ASTN2: variants seen among roughly 807,000 people sequenced by gnomAD.
ASTN2 encodes astrotactin-2.
Under a neutral mutation model 139.8 loss-of-function variants are expected in ASTN2, and 54 were observed. The ratio of observed to expected loss-of-function variants is 0.39; its 90% CI spans 0.31 to 0.48. The LOEUF (loss-of-function observed/expected upper bound fraction) is 0.48, where lower values mean the gene tolerates loss of function less well. Ranked by LOEUF, ASTN2 falls within the 20% of genes least tolerant of loss-of-function variation. The pLI is 0.95. For missense variants in ASTN2, 1,565 were observed against 1,725.1 expected, an observed-to-expected ratio of 0.91 and a Z score of 1.64; for synonymous variants, 756 against 719.5, an observed-to-expected ratio of 1.05 and a Z score of -0.81.
intron 20 of ASTN2, among the ~76,000 whole-genome samples, chr9:116,481,531 T>G (rs1460969167): frequency 6.6e-6 from 1 of 152,228 alleles, no homozygotes; most frequent in Non-Finnish European, 1.5e-5. Context: ...GGGATGCAGA[T>G]TCACAAAGTC....
rs1284097201 is a variant in ASTN2, at chr9:117,214,588, G to A, written c.785C>T (p.Pro262Leu). 1 of 1,608,098 alleles carries A rather than the reference G, an allele frequency of 6.2e-7. No individual in the cohort carries two copies. Among genetic ancestry groups the A allele is most frequent in the South Asian group, 1.1e-5 (1 of 90,854 alleles). Residue 262 changes from proline (P) to leucine (L), a missense_variant, in exon 3 of 23, where the codon CCC (proline) becomes CTC (leucine). Physicochemically the swap from Pro to Leu is moderately conservative, Grantham distance 98 (BLOSUM62 -3). Around this residue, in one of 4 missense-constraint regions of ASTN2, gnomAD observed 596 missense variants for 576.8 expected, o/e 1.03. Transcript: ENST00000313400. Reference protein sequence around the residue: ...IHYIPSVLLGPQARESFRSSR... With the variant: ...IHYIPSVLLGLQARESFRSSR... Reference sequence around the variant, plus strand: ...TGAACGGAAGCTCTCCCGCGCCTGGGGACCCAGCAGCACAGATGGGATGTA... The same window carrying A: ...TGAACGGAAGCTCTCCCGCGCCTGGAGACCCAGCAGCACAGATGGGATGTA...
At chr9:116,721,627 T>G (rs531426738) in intron 16 of ASTN2, among the ~76,000 whole-genome samples, 20 of 152,316 alleles carry the variant, frequency 1.3e-4, no homozygotes, top group Admixed American at 6.5e-4. Flanking sequence ...TAATCATGTC[T>G]GGAACCTAGA....
chr9:116,561,701 T>C (rs767791963), intron 19 of ASTN2, among the ~76,000 whole-genome samples: 1 of 152,212 alleles, frequency 6.6e-6, no homozygotes, highest in Non-Finnish European at 1.5e-5. Context: ...CCCATCCCTA[T>C]GAGTATCAAG....
intron 19 of ASTN2, among the ~76,000 whole-genome samples, chr9:116,565,407 A>C (rs1196910272): frequency 0.012 from 1,342 of 109,082 alleles, 73 homozygotes; most frequent in Non-Finnish European, 0.015. Context: ...ATATATATAT[A>C]TATATATATA....
intron 19 of ASTN2, among the ~76,000 whole-genome samples, chr9:116,520,979 A>G (rs1850845691): frequency 6.6e-6 from 1 of 152,156 alleles, no homozygotes; most frequent in Non-Finnish European, 1.5e-5. Context: ...ATGGAAAACT[A>G]CAAAACACTG....
chr9:116,809,075 C>T (rs1831100869), intron 12 of ASTN2, among the ~76,000 whole-genome samples: 1 of 151,822 alleles, frequency 6.6e-6, no homozygotes, highest in Non-Finnish European at 1.5e-5. Context: ...AAATTTTTTT[C>T]CAGTCTGTGC....
At chr9:117,144,674 T>G (rs1282117164) in intron 3 of ASTN2, among the ~76,000 whole-genome samples, 2 of 22,994 alleles carry the variant, frequency 8.7e-5, no homozygotes, top group African/African-American at 1.6e-4. Flanking sequence ...TTTTTTTTTT[T>G]TTTTTTTTTT....
chr9:117,402,284 C>T (rs1458690383), intron 1 of ASTN2, among the ~76,000 whole-genome samples: 2 of 152,122 alleles, frequency 1.3e-5, no homozygotes, highest in Admixed American at 1.3e-4. Flanking sequence ...CCAGGCTGGT[C>T]TCAAACTCCT....
At chr9:117,141,793 T>C (rs1177486246) in intron 3 of ASTN2, among the ~76,000 whole-genome samples, 1 of 152,220 alleles carries the variant, frequency 6.6e-6, no homozygotes, top group Admixed American at 6.5e-5. Flanking sequence ...CAAGTAATTC[T>C]TAGTTCAGTA....
intron 19 of ASTN2, among the ~76,000 whole-genome samples, chr9:116,554,351 G>T (rs1852497207): frequency 6.6e-6 from 1 of 152,168 alleles, no homozygotes; most frequent in Non-Finnish European, 1.5e-5. Context: ...GACCCACTTT[G>T]GGATCTGGTG....
At chr9:116,649,843 C>G (rs1857809904) in intron 17 of ASTN2, among the ~76,000 whole-genome samples, 1 of 152,102 alleles carries the variant, frequency 6.6e-6, no homozygotes, top group South Asian at 2.1e-4. Flanking sequence ...AGGATAGGGT[C>G]AAAATTCCAC....
chr9:117,214,056 C>T lies in ASTN2; in HGVS notation c.1015+302G>A, dbSNP rs148147022. On this transcript the variant is annotated intron_variant, in intron 3 of 22. Transcript: ENST00000313400. ...TGTGGAAATGAGATGGCCTCTTTTC[C>T]GAGTAGTGAGAAAGCTGTCAAAGGA... Among the ~76,000 whole-genome samples the T allele has an allele frequency of 4.6e-5, 7 of 152,212 alleles. No individual in the cohort carries two copies. The East Asian group carries it at 1.2e-3, about 25-fold the overall frequency.
intron 10 of ASTN2, among the ~76,000 whole-genome samples, chr9:116,867,802 C>T (rs1415204434): frequency 6.6e-6 from 1 of 152,140 alleles, no homozygotes; most frequent in African/African-American, 2.4e-5. Flanking sequence ...GGGGCCGTTA[C>T]TAAGTCAAGA....
At position 117,066,034 on chromosome 9, in the gene ASTN2, ATACTT is replaced by A. The variant is rs1289406375; in HGVS notation, c.1277-26074_1277-26070del. On this transcript the variant is annotated intron_variant, in intron 5 of 22. Coordinates refer to ENST00000313400, the MANE Select transcript of ASTN2 (RefSeq NM_001365068.1). ...ATTTTATCTTTTTTTTTTTTTTATT[ATACTT>A]TAAGTTTTAGGGTACATGTGCACAT... is the stretch of plus-strand genomic sequence containing the variant. 2.1e-5 allele frequency among the ~76,000 whole-genome samples: 3 copies of A among 144,932 alleles called. No homozygotes were observed. The East Asian group carries it at 6.1e-4, about 29-fold the overall frequency.
intron 6 of ASTN2, among the ~76,000 whole-genome samples, chr9:117,015,517 G>T (rs889444468): frequency 1.3e-5 from 2 of 152,076 alleles, no homozygotes; most frequent in African/African-American, 4.8e-5. Context: ...GGTTCATGGA[G>T]CTCAGGATAA....
rs779843649 is a variant in ASTN2 at position 116,699,555 on chromosome 9, G to T, written c.2806+26216C>A. The stretch of plus-strand genomic sequence containing the variant: ...CAAGGAAATTCTCCATTTTCCTAAG[G>T]GTGGGGGCTATAGTGTCCTTATTCG... On this transcript the variant is annotated intron_variant, in intron 16 of 22. Coordinates refer to ENST00000313400, the MANE Select transcript of ASTN2 (RefSeq NM_001365068.1). This position sits in a 1 kb window ranked among gnomAD's most constrained non-coding sequence, Gnocchi z 4.2. 3 of 1,614,094 alleles carry T rather than the reference G, an allele frequency of 1.9e-6. No individual in the cohort carries two copies. The highest frequency in any genetic ancestry group is 2.5e-6 in the Non-Finnish European group (3 of 1,180,052).
Position 116,698,673 on chromosome 9 carries a change from G to A in ASTN2, c.2806+27098C>T. On this transcript the variant is annotated intron_variant, in intron 16 of 22. Coordinates refer to ENST00000313400, the MANE Select transcript of ASTN2 (RefSeq NM_001365068.1). The surrounding 1 kb of genome is among the most constrained non-coding windows in gnomAD (Gnocchi z 4.4). ...CGTGGAAGATTCCTGGGCCATGGAG[G>A]CCACAGCGTCTGCTGCCTCTACCTC... 6.2e-7 allele frequency: 1 copy of A among 1,614,160 alleles called. No homozygotes were observed.
At chr9:117,094,468 G>A (rs2132751204) in intron 5 of ASTN2, among the ~76,000 whole-genome samples, 1 of 152,268 alleles carries the variant, frequency 6.6e-6, no homozygotes, top group East Asian at 1.9e-4. Context: ...AATTCTGACT[G>A]CTGGATTGTG....
intron 17 of ASTN2, among the ~76,000 whole-genome samples, chr9:116,645,052 A>G (rs1857520131): frequency 6.6e-6 from 1 of 152,176 alleles, no homozygotes; most frequent in Non-Finnish European, 1.5e-5. Context: ...CAACCCTGAG[A>G]TGAAAAGGGA....
Sources: allele counts gnomAD v4.1 joint callset (sites outside exome capture counted in the v4.1 genomes callset), GRCh38; gene constraint gnomAD v4.1.1; regional missense constraint gnomAD v4.1.1; non-coding constraint Gnocchi (gnomAD v3.1); transcripts MANE v1.5; gene names NCBI Gene and HGNC (gene_info 2026-07-23, HGNC 2026-07-21).